AGPAT4: variants seen among roughly 807,000 people sequenced by gnomAD.
AGPAT4 encodes 1-acylglycerol-3-phosphate O-acyltransferase 4.
In AGPAT4, 15 loss-of-function variants were observed where a neutral mutation model predicts 48.0. The ratio of observed to expected loss-of-function variants is 0.31; its 90% confidence interval spans 0.21 to 0.48. The LOEUF (loss-of-function observed/expected upper bound fraction) is 0.48. AGPAT4 is among the 20% of genes least tolerant of loss of function. AGPAT4 has a pLI of 0.99. For synonymous variants in AGPAT4, 178 were observed against 198.7 expected (o/e 0.90, Z 0.88); for missense variants, 314 against 482.5 (o/e 0.65, Z 3.27).
In AGPAT4 at chr6:161,232,373, T is replaced by A. The variant is rs1455064480; in HGVS notation, c.-89-71A>T. The A allele has an allele frequency of 1.2e-5, 8 of 676,900 alleles. No individual in the cohort carries two copies. Among genetic ancestry groups the A allele is most frequent in the African/African-American group, 5.4e-5 (3 of 55,278 alleles). The allele number at this position is 676,900 out of a possible 1,614,324, so 41.9% of individuals were successfully genotyped here. A position where few individuals can be genotyped will look rare whatever the true frequency, so the allele number is the denominator to read the frequency against. On this transcript the variant is annotated intron_variant, in intron 1 of 8. Transcript: ENST00000320285. This position sits in a 1 kb window ranked among gnomAD's most constrained non-coding sequence, Gnocchi z 6.8. ...TTTTAGAGTCAGAAAAAAAGTGCTC[T>A]GAAAAGAAAAATATACACTTGAGGT...
rs531802947 is a variant in AGPAT4, at chr6:161,154,553, C to T, written c.349-243G>A. 4.6e-5 allele frequency among the ~76,000 whole-genome samples: 7 copies of T among 152,216 alleles called. No homozygotes were observed. The highest frequency in any genetic ancestry group is 2.1e-4 in the South Asian group (1 of 4,808). ...GGGGCAGGGGCACCCTGGTTCTCAG[C>T]GCAGACGGCAGGAGTCAAGAAGGCA... On this transcript the variant is annotated intron_variant, in intron 3 of 8. Transcript: ENST00000320285. This position sits in a 1 kb window ranked among gnomAD's most constrained non-coding sequence, Gnocchi z 7.8.
Position 161,149,447 on chromosome 6 carries a change from C to T in AGPAT4, c.665-158G>A, listed in dbSNP as rs576502116. Among the ~76,000 whole-genome samples, 1 of 152,342 alleles carries T rather than the reference C, an allele frequency of 6.6e-6. No homozygotes were observed. The highest frequency in any genetic ancestry group is 2.4e-5 in the African/African-American group (1 of 41,584). On this transcript the variant is annotated intron_variant, in intron 5 of 8. Transcript: ENST00000320285. This position sits in a 1 kb window ranked among gnomAD's most constrained non-coding sequence, Gnocchi z 6.5. The stretch of plus-strand genomic sequence containing the variant: ...CTTTCTATATGGTCCACATGTTCTA[C>T]ACTGAATGTGTATTATCTTTTGTAA...
In AGPAT4 at chr6:161,223,680, C is replaced by T. The variant is rs1000193377; in HGVS notation, c.178+8356G>A. ...CCGTGGAGTGGCACCTCAGAGGCCA[C>T]AGGTTTGAGAACACATCACTTACTA... On this transcript the variant is annotated intron_variant, in intron 2 of 8. Transcript: ENST00000320285. The surrounding 1 kb of genome is among the most constrained non-coding windows in gnomAD (Gnocchi z 6.3). 6.6e-6 allele frequency among the ~76,000 whole-genome samples: 1 copy of T among 152,170 alleles called. No homozygotes were observed. The highest frequency in any genetic ancestry group is 2.4e-5 in the African/African-American group (1 of 41,424).
intron 1 of AGPAT4, among the ~76,000 whole-genome samples, chr6:161,273,142 A>G (rs186908302): frequency 2.6e-5 from 4 of 152,354 alleles, no homozygotes; most frequent in East Asian, 1.9e-4. Context: ...CACAGGATCA[A>G]TATCTTATCT....
Position 161,236,082 on chromosome 6 carries a change from C to T in AGPAT4, c.-89-3780G>A, listed in dbSNP as rs1002063721. Among the ~76,000 whole-genome samples the T allele has an allele frequency of 3.9e-5, 6 of 152,108 alleles. No individual in the cohort carries two copies. Among genetic ancestry groups the T allele is most frequent in the African/African-American group, 1.4e-4 (6 of 41,416 alleles). On this transcript the variant is annotated intron_variant, in intron 1 of 8. Coordinates refer to ENST00000320285, the MANE Select transcript of AGPAT4 (RefSeq NM_020133.3). The surrounding 1 kb of genome is among the most constrained non-coding windows in gnomAD (Gnocchi z 5.0). The stretch of plus-strand genomic sequence containing the variant: ...ATTTTAAAAATACTTTGCCTAGTTC[C>T]CTTTTAGCTTTGCAAGTACCTAGAA...
At chr6:161,256,341 G>A (rs1212082695) in intron 1 of AGPAT4, among the ~76,000 whole-genome samples, 1 of 152,204 alleles carries the variant, frequency 6.6e-6, no homozygotes, top group Admixed American at 6.5e-5. Flanking sequence ...CCACCATCTA[G>A]AAGAATTAGG....
rs557019114 is a variant in AGPAT4 at position 161,141,589 on chromosome 6, TAA to T, written c.844-1971_844-1970del. ...GATATTTTTGTGCCTTGTTTTTTTTTAAAAAAAAAACAGCTTTCTTAAGATGT... is the reference window on the plus strand; with the variant it reads ...GATATTTTTGTGCCTTGTTTTTTTTTAAAAAAAACAGCTTTCTTAAGATGT... On this transcript the variant is annotated intron_variant, in intron 7 of 8. Transcript: ENST00000320285. The surrounding 1 kb of genome is among the most constrained non-coding windows in gnomAD (Gnocchi z 6.7). Among the ~76,000 whole-genome samples, 39 of 150,164 alleles carry T rather than the reference TAA, an allele frequency of 2.6e-4. No homozygotes were observed. Among genetic ancestry groups the T allele is most frequent in the African/African-American group, 9.1e-4 (37 of 40,654 alleles).
At chr6:161,167,536 T>C (rs189429679) in intron 2 of AGPAT4, among the ~76,000 whole-genome samples, 1 of 152,320 alleles carries the variant, frequency 6.6e-6, no homozygotes, top group Non-Finnish European at 1.5e-5. Context: ...GTGCCCCCCA[T>C]TTTTAATCAC....
rs574841998 is a variant in AGPAT4 at position 161,269,869 on chromosome 6, G to T, written c.-90+4069C>A. On this transcript the variant is annotated intron_variant, in intron 1 of 8. Transcript: ENST00000320285. Reference sequence around the variant, plus strand: ...ATCATGTATGTGTGAATGGATGAAGGAATGGTGACTGAAAGGTAGGACTTA... The same window carrying T: ...ATCATGTATGTGTGAATGGATGAAGTAATGGTGACTGAAAGGTAGGACTTA... 2.6e-5 allele frequency among the ~76,000 whole-genome samples: 4 copies of T among 152,304 alleles called. No individual in the cohort carries two copies. In the East Asian group the frequency reaches 7.7e-4, roughly 29 times the overall value.
At chr6:161,237,685 A>G (rs999103426) in intron 1 of AGPAT4, among the ~76,000 whole-genome samples, 1 of 152,216 alleles carries the variant, frequency 6.6e-6, no homozygotes, top group Admixed American at 6.5e-5. Flanking sequence ...ATAACTATCT[A>G]TTATTAGTGG....
rs1782927705 is a variant in AGPAT4 at position 161,255,740 on chromosome 6, T to G, written c.-90+18198A>C. ...GGAGGGGGCAGGATGGGGGAGTGACTGCTGATATGTACGGTTTCTCTCTGA... is the reference window on the plus strand; with the variant it reads ...GGAGGGGGCAGGATGGGGGAGTGACGGCTGATATGTACGGTTTCTCTCTGA... On this transcript the variant is annotated intron_variant, in intron 1 of 8. Coordinates refer to ENST00000320285, the MANE Select transcript of AGPAT4 (RefSeq NM_020133.3). The surrounding 1 kb of genome is among the most constrained non-coding windows in gnomAD (Gnocchi z 4.7). Among the ~76,000 whole-genome samples, 1 of 152,074 alleles carries G rather than the reference T, an allele frequency of 6.6e-6. No individual in the cohort carries two copies. The highest frequency in any genetic ancestry group is 2.4e-5 in the African/African-American group (1 of 41,402).
intron 1 of AGPAT4, among the ~76,000 whole-genome samples, chr6:161,241,220 G>A (rs1411369204): frequency 9.3e-5 from 13 of 139,344 alleles, no homozygotes; most frequent in East Asian, 4.2e-4. Context: ...CCAAGATCGC[G>A]CCATTGCACT....
Position 161,130,978 on chromosome 6 carries a change from A to C in AGPAT4, c.*5562T>G. Reference sequence around the variant, plus strand: ...CTAAAACTAGTACTATGGAATAGAAAAGGAAAAGTGACATTTGTGTAATTT... The same window carrying C: ...CTAAAACTAGTACTATGGAATAGAACAGGAAAAGTGACATTTGTGTAATTT... On this transcript the variant is annotated 3_prime_UTR_variant, in exon 9 of 9. Coordinates refer to ENST00000320285, the MANE Select transcript of AGPAT4 (RefSeq NM_020133.3). 8 of 492,238 alleles carry C rather than the reference A, an allele frequency of 1.6e-5. No homozygotes were observed. Among genetic ancestry groups the C allele is most frequent in the South Asian group, 1.2e-4 (8 of 68,458 alleles). 30.5% of individuals were successfully genotyped at this position (492,238 alleles called of 1,614,324 possible).
chr6:161,228,575 CTT>C (rs10564297), intron 2 of AGPAT4, among the ~76,000 whole-genome samples: 5,787 of 108,564 alleles, frequency 0.053, 521 homozygotes, highest in African/African-American at 0.2. Flanking sequence ...CACCCCCTGC[CTT>C]TTTTTTTTTT....
chr6:161,246,097 C>A lies in AGPAT4; in HGVS notation c.-89-13795G>T, dbSNP rs4709505. 0.19 allele frequency among the ~76,000 whole-genome samples: 29,480 copies of A among 152,058 alleles called. 3,088 individuals carry two copies. The highest frequency in any genetic ancestry group is 0.31 in the Admixed American group (4,788 of 15,280). On this transcript the variant is annotated intron_variant, in intron 1 of 8. Coordinates refer to ENST00000320285, the MANE Select transcript of AGPAT4 (RefSeq NM_020133.3). This position sits in a 1 kb window ranked among gnomAD's most constrained non-coding sequence, Gnocchi z 5.5. ...AGGGCATTACAGACTGGCTATTCCT[C>A]GAAAAGTTTCATTAGCAGCAGCAGT...
chr6:161,195,129 T>C lies in AGPAT4; in HGVS notation c.179-28712A>G, dbSNP rs1450165287. Among the ~76,000 whole-genome samples, 2 of 152,208 alleles carry C rather than the reference T, an allele frequency of 1.3e-5. No homozygotes were observed. The highest frequency in any genetic ancestry group is 4.8e-5 in the African/African-American group (2 of 41,448). The stretch of plus-strand genomic sequence containing the variant: ...TCTCAACATTAAGTACAAAATTAAA[T>C]ATATTCTTTTCTCCAAAAGAATAAA... On this transcript the variant is annotated intron_variant, in intron 2 of 8. Transcript: ENST00000320285. This position sits in a 1 kb window ranked among gnomAD's most constrained non-coding sequence, Gnocchi z 5.0.
chr6:161,149,121 T>A lies in AGPAT4; in HGVS notation c.767+66A>T. Reference sequence around the variant, plus strand: ...GGATCCCTGGAAGAAAGTCTCTAGGTCATTTGTGATGTGTTTACTTTGAAA... The same window carrying A: ...GGATCCCTGGAAGAAAGTCTCTAGGACATTTGTGATGTGTTTACTTTGAAA... On this transcript the variant is annotated intron_variant, in intron 6 of 8. Coordinates refer to ENST00000320285, the MANE Select transcript of AGPAT4 (RefSeq NM_020133.3). This position sits in a 1 kb window ranked among gnomAD's most constrained non-coding sequence, Gnocchi z 6.5. 1 of 1,561,650 alleles carries A rather than the reference T, an allele frequency of 6.4e-7. No individual in the cohort carries two copies. Among genetic ancestry groups the A allele is most frequent in the Non-Finnish European group, 8.6e-7 (1 of 1,156,936 alleles).
rs560677204 is a variant in AGPAT4, at chr6:161,161,086, G to A, written c.348+5162C>T. Reference sequence around the variant, plus strand: ...ACAGCAGACAGCACAGGCTGTGACCGTTTGCTGAGGGCTGCGCACAGAGGA... The same window carrying A: ...ACAGCAGACAGCACAGGCTGTGACCATTTGCTGAGGGCTGCGCACAGAGGA... On this transcript the variant is annotated intron_variant, in intron 3 of 8. Transcript: ENST00000320285. The surrounding 1 kb of genome is among the most constrained non-coding windows in gnomAD (Gnocchi z 4.6). The A allele has an allele frequency of 6.4e-4, 291 of 456,708 alleles. 3 individuals carry two copies. Among genetic ancestry groups the A allele is most frequent in the South Asian group, 4.4e-3 (286 of 64,564 alleles). The allele number at this position is 456,708 out of a possible 1,614,324, so 28.3% of individuals were successfully genotyped here.
rs1313341432 is a variant in AGPAT4 at position 161,178,812 on chromosome 6, A to T, written c.179-12395T>A. On this transcript the variant is annotated intron_variant, in intron 2 of 8. Coordinates refer to ENST00000320285, the MANE Select transcript of AGPAT4 (RefSeq NM_020133.3). This position sits in a 1 kb window ranked among gnomAD's most constrained non-coding sequence, Gnocchi z 5.1. The stretch of plus-strand genomic sequence containing the variant: ...AATTTCAGTTTGCCCAATTTTGCAG[A>T]TGTTGTTTTGACTGTGCTGCTCTCT... Among the ~76,000 whole-genome samples, 4 of 152,282 alleles carry T rather than the reference A, an allele frequency of 2.6e-5. No individual in the cohort carries two copies. The East Asian group carries it at 7.7e-4, about 29-fold the overall frequency.
Sources: allele counts gnomAD v4.1 joint callset (sites outside exome capture counted in the v4.1 genomes callset), GRCh38; gene constraint gnomAD v4.1.1; non-coding constraint Gnocchi (gnomAD v3.1); transcripts MANE v1.5; gene names NCBI Gene and HGNC (gene_info 2026-07-23, HGNC 2026-07-21).